ACVR1: variants seen among roughly 807,000 people sequenced by gnomAD.
ACVR1 encodes activin A receptor type 1, also known as activin receptor type-1.
In ACVR1, 38 loss-of-function variants were observed where a neutral mutation model predicts 57.1. That is an observed-to-expected ratio of 0.67 (90% CI 0.51 to 0.87). The LOEUF is 0.87. ACVR1 is among the 40% of genes least tolerant of loss of function. The pLI is 0.00. For synonymous variants in ACVR1, 212 were observed against 228.1 expected, an observed-to-expected ratio of 0.93 and a Z score of 0.63; for missense variants, 463 against 638.2, an observed-to-expected ratio of 0.73 and a Z score of 2.96.
intron 4 of ACVR1, among the ~76,000 whole-genome samples, chr2:157,779,216 A>G (rs1219904471): frequency 6.6e-6 from 1 of 152,264 alleles, no homozygotes; most frequent in African/African-American, 2.4e-5. Flanking sequence ...TCTGCAGATT[A>G]GAAACTTCAC....
At chr2:157,751,180 C>T (rs1318626592) in intron 9 of ACVR1, among the ~76,000 whole-genome samples, 1 of 152,196 alleles carries the variant, frequency 6.6e-6, no homozygotes, top group Non-Finnish European at 1.5e-5. Context: ...CAAACACACA[C>T]CCTCACTGGG....
chr2:157,759,098 GA>G (rs1286641999), intron 9 of ACVR1, among the ~76,000 whole-genome samples: 2 of 151,722 alleles, frequency 1.3e-5, no homozygotes, highest in African/African-American at 2.4e-5. Flanking sequence ...AGAAAAGCAA[GA>G]ACAAACCAAA....
rs759017686 is a variant in ACVR1 at position 157,799,460 on chromosome 2, T to C, written c.34A>G (p.Ile12Val). 2.5e-6 allele frequency: 4 copies of C among 1,612,536 alleles called. No homozygotes were observed. Among genetic ancestry groups the C allele is most frequent in the Middle Eastern group, 1.7e-4 (1 of 6,050 alleles). ...CTAGGGGAGGGGAGAGCAATCATGA[T>C]AAGCACAGGAAGAATCATCACTCCA... ...VDGVMILPVL[I>V]MIALPSPSME... Residue 12 changes from isoleucine to valine, a missense_variant, in exon 3 of 11, where the codon ATC becomes GTC. Ile to Val is a conservative substitution (Grantham distance 29). Coordinates refer to ENST00000434821, the MANE Select transcript of ACVR1 (RefSeq NM_001111067.4).
At chr2:157,784,613 G>A (rs187259814) in intron 3 of ACVR1, among the ~76,000 whole-genome samples, 43 of 152,374 alleles carry the variant, frequency 2.8e-4, no homozygotes, top group Admixed American at 1.5e-3. Context: ...CCAGAGCCGT[G>A]TGAAAACACT....
chr2:157,807,677 A>C (rs1320523822), intron 2 of ACVR1, among the ~76,000 whole-genome samples: 1 of 151,896 alleles, frequency 6.6e-6, no homozygotes, highest in Non-Finnish European at 1.5e-5. Context: ...CAAAGTCCTC[A>C]GGTAGACACT....
At chr2:157,850,040 G>A (rs552111090) in intron 1 of ACVR1, among the ~76,000 whole-genome samples, 2 of 152,314 alleles carry the variant, frequency 1.3e-5, no homozygotes, top group African/African-American at 2.4e-5. Flanking sequence ...GAGAAAAGAG[G>A]TCAGCAAAGA....
In ACVR1 at chr2:157,780,553, C is replaced by T. The variant is rs983884500; in HGVS notation, c.115G>A (p.Gly39Ser). 1.4e-5 allele frequency: 22 copies of T among 1,613,710 alleles called. No homozygotes were observed. Among genetic ancestry groups the T allele is most frequent in the Non-Finnish European group, 1.9e-5 (22 of 1,179,992 alleles). ...NPKLYMCVCEGLSCGNEDHCE... is the reference protein window; with the variant it reads ...NPKLYMCVCESLSCGNEDHCE... Reference sequence around the variant, plus strand: ...TGGTCCTCATTACCGCAGGAGAGACCTTCACACACACACATGTAGAGTTTG... The same window carrying T: ...TGGTCCTCATTACCGCAGGAGAGACTTTCACACACACACATGTAGAGTTTG... Residue 39 changes from glycine to serine, a missense_variant, in exon 4 of 11, where the codon GGT becomes AGT. Coordinates refer to ENST00000434821, the MANE Select transcript of ACVR1 (RefSeq NM_001111067.4).
At chr2:157,774,264 T>C (rs1310476448) in intron 5 of ACVR1, 77 bp from the exon 6 acceptor site, 8 of 1,181,308 alleles carry the variant, frequency 6.8e-6, no homozygotes, top group Non-Finnish European at 1.0e-5. Flanking sequence ...ATGCATGACA[T>C]TGTAACTCAC....
At chr2:157,830,575 C>T (rs16842130) in intron 1 of ACVR1, among the ~76,000 whole-genome samples, 5,730 of 152,178 alleles carry the variant, frequency 0.038, 383 homozygotes, top group African/African-American at 0.13. Flanking sequence ...GTATTCCCTA[C>T]TCTAACATTT....
intron 5 of ACVR1, among the ~76,000 whole-genome samples, chr2:157,775,631 C>T (rs1218908769): frequency 6.6e-6 from 1 of 152,152 alleles, no homozygotes; most frequent in Non-Finnish European, 1.5e-5. Flanking sequence ...GGATAATCAA[C>T]AAGAAAATGA....
At position 157,738,531 on chromosome 2, in the gene ACVR1, A is replaced by G; in HGVS notation, c.1304T>C (p.Val435Ala). 6.2e-7 allele frequency: 1 copy of G among 1,614,134 alleles called. No homozygotes were observed. Among genetic ancestry groups the G allele is most frequent in the Non-Finnish European group, 8.5e-7 (1 of 1,179,978 alleles). Residue 435 changes from valine (V) to alanine (A), a missense_variant, in exon 10 of 11, where the codon GTT becomes GCT. Transcript: ENST00000434821. Reference sequence around the variant, plus strand: ...ATCTTCAAAACTTGGGTCATTGGGAACCACATCGTAGAACGGTGGCTTGTA... The same window carrying G: ...ATCTTCAAAACTTGGGTCATTGGGAGCCACATCGTAGAACGGTGGCTTGTA... ...EDYKPPFYDV[V>A]PNDPSFEDMR...
chr2:157,767,665 A>G (rs1295519859), intron 7 of ACVR1, among the ~76,000 whole-genome samples: 2 of 152,214 alleles, frequency 1.3e-5, no homozygotes, highest in African/African-American at 4.8e-5. Context: ...ACTTTCACAT[A>G]TATTTTCTCA....
At chr2:157,803,222 T>A (rs1687391402) in intron 2 of ACVR1, among the ~76,000 whole-genome samples, 1 of 152,128 alleles carries the variant, frequency 6.6e-6, no homozygotes, top group African/African-American at 2.4e-5. Flanking sequence ...ATTATCATTG[T>A]GCGAACAAAA....
chr2:157,816,962 C>T (rs1687961074), intron 2 of ACVR1, among the ~76,000 whole-genome samples: 1 of 151,450 alleles, frequency 6.6e-6, no homozygotes, highest in Non-Finnish European at 1.5e-5. Context: ...GATAGCGAGA[C>T]ATTTTTTTTT....
At chr2:157,864,548 T>C (rs941765034) in intron 1 of ACVR1, among the ~76,000 whole-genome samples, 2 of 152,152 alleles carry the variant, frequency 1.3e-5, no homozygotes, top group Non-Finnish European at 2.9e-5. Flanking sequence ...CCCATTAAAT[T>C]TTGTTTACTT....
At chr2:157,764,205 C>T (rs563564469) in intron 8 of ACVR1, among the ~76,000 whole-genome samples, 2 of 151,904 alleles carry the variant, frequency 1.3e-5, no homozygotes, top group African/African-American at 4.8e-5. Context: ...TTTTTTTAGA[C>T]GAAGTCTCGC....
chr2:157,813,385 G>A (rs768779541), intron 2 of ACVR1, among the ~76,000 whole-genome samples: 22 of 152,202 alleles, frequency 1.4e-4, no homozygotes, highest in Non-Finnish European at 1.8e-4. Flanking sequence ...ATATGGCAGA[G>A]ACTGCTAATT....
At chr2:157,745,644 C>G (rs1280549388) in intron 9 of ACVR1, among the ~76,000 whole-genome samples, 4 of 152,074 alleles carry the variant, frequency 2.6e-5, no homozygotes, top group African/African-American at 9.7e-5. Flanking sequence ...TATTCCTGCC[C>G]CCAGTCATTG....
chr2:157,828,859 C>T (rs1437440514), intron 1 of ACVR1, among the ~76,000 whole-genome samples: 2 of 152,060 alleles, frequency 1.3e-5, no homozygotes, highest in Admixed American at 6.6e-5. Context: ...CTCTGCCTCC[C>T]GGGCTCAAGC....
Sources: allele counts gnomAD v4.1 joint callset (sites outside exome capture counted in the v4.1 genomes callset), GRCh38; gene constraint gnomAD v4.1.1; transcripts MANE v1.5; gene names NCBI Gene and HGNC (gene_info 2026-07-23, HGNC 2026-07-21).